The following SNTG1 variants were observed in gnomAD, a reference collection of about 807,000 sequenced individuals.
The protein encoded by SNTG1 is gamma-1-syntrophin.
In SNTG1, 39 loss-of-function variants were observed where a neutral mutation model predicts 74.7. That is an observed-to-expected ratio of 0.52 (90% confidence interval 0.40 to 0.68). The LOEUF (loss-of-function observed/expected upper bound fraction) is 0.68. SNTG1 is among the 30% of genes least tolerant of loss of function. SNTG1 has a pLI of 0.00. For synonymous variants in SNTG1, 254 were observed against 217.1 expected (o/e 1.17, Z -1.49); for missense variants, 685 against 609.5 (o/e 1.12, Z -1.30).
chr8:50,522,664 T>C (rs1004491550), intron 9 of SNTG1, among the ~76,000 whole-genome samples: 33 of 151,530 alleles, frequency 2.2e-4, no homozygotes, highest in African/African-American at 8.0e-4. Context: ...TTGCAGCCTT[T>C]GCCACTGAGG....
chr8:50,603,075 CTAT>C (rs934648761), intron 13 of SNTG1, among the ~76,000 whole-genome samples: 5 of 152,078 alleles, frequency 3.3e-5, no homozygotes, highest in African/African-American at 9.7e-5. Context: ...TGGAAGTTCT[CTAT>C]TATTATTTCT....
rs371615797 is a variant in SNTG1, at chr8:50,534,841, T to A, written c.550-1837T>A. Among the ~76,000 whole-genome samples, 7 of 152,282 alleles carry A rather than the reference T, an allele frequency of 4.6e-5. No homozygotes were observed. The East Asian group carries it at 1.4e-3, about 29-fold the overall frequency. ...TATGAACATAGTAATAGCTTTGTTT[T>A]TCAAAGATGTTGCAAGTGGTGTAAG... is the stretch of plus-strand genomic sequence containing the variant. On this transcript the variant is annotated intron_variant, in intron 10 of 18. Transcript: ENST00000642720.
intron 1 of SNTG1, among the ~76,000 whole-genome samples, chr8:50,132,284 C>T (rs1190323666): frequency 1.3e-5 from 2 of 152,078 alleles, no homozygotes; most frequent in African/African-American, 4.8e-5. Context: ...GTAACCATTG[C>T]AGCATCAACT....
At chr8:50,613,683 G>A (rs972099009) in intron 13 of SNTG1, among the ~76,000 whole-genome samples, 1 of 152,014 alleles carries the variant, frequency 6.6e-6, no homozygotes, top group African/African-American at 2.4e-5. Context: ...CTTTTGGAGG[G>A]TAGTTTTGTG....
At chr8:50,275,693 C>A (rs922699128) in intron 2 of SNTG1, among the ~76,000 whole-genome samples, 3 of 152,140 alleles carry the variant, frequency 2.0e-5, no homozygotes, top group African/African-American at 7.2e-5. Context: ...GCACCTTTAC[C>A]TTCAAGCTTC....
intron 5 of SNTG1, among the ~76,000 whole-genome samples, 170 bp downstream of exon 5, chr8:50,438,769 C>CT (rs2093330734): frequency 6.6e-6 from 1 of 152,152 alleles, no homozygotes; most frequent in African/African-American, 2.4e-5. Flanking sequence ...CCTGCAAACT[C>CT]TTACCATTTG....
intron 18 of SNTG1, among the ~76,000 whole-genome samples, chr8:50,773,592 C>G (rs1450462829): frequency 1.3e-5 from 2 of 151,972 alleles, no homozygotes; most frequent in Non-Finnish European, 2.9e-5. Flanking sequence ...ATCAGTGAAA[C>G]AGATAGGAAA....
At chr8:50,569,593 A>G (rs2094535792) in intron 12 of SNTG1, among the ~76,000 whole-genome samples, 1 of 152,216 alleles carries the variant, frequency 6.6e-6, no homozygotes, top group African/African-American at 2.4e-5. Flanking sequence ...AAAAGGCTCA[A>G]CAAAGCTTGT....
At chr8:50,160,768 T>C in intron 1 of SNTG1, among the ~76,000 whole-genome samples, 1 of 152,206 alleles carries the variant, frequency 6.6e-6, no homozygotes, top group East Asian at 1.9e-4. Flanking sequence ...GCTTATTTGA[T>C]ACTCATAGGG....
At chr8:50,512,176 G>T (rs1362323859) in intron 9 of SNTG1, among the ~76,000 whole-genome samples, 3 of 151,840 alleles carry the variant, frequency 2.0e-5, no homozygotes, top group Non-Finnish European at 4.4e-5. Context: ...CACTTATGAA[G>T]CTTAGTTTGG....
intron 10 of SNTG1, among the ~76,000 whole-genome samples, chr8:50,530,741 A>C (rs1334458483): frequency 6.6e-6 from 1 of 152,220 alleles, no homozygotes; most frequent in Non-Finnish European, 1.5e-5. Context: ...ACGTTTAACT[A>C]TACATGTATT....
chr8:50,055,857 A>T (rs1279825340), intron 1 of SNTG1, among the ~76,000 whole-genome samples: 1 of 152,120 alleles, frequency 6.6e-6, no homozygotes, highest in African/African-American at 2.4e-5. Context: ...TTATAATTTT[A>T]AAAAATTGTT....
At chr8:50,104,250 G>C (rs1487013559) in intron 1 of SNTG1, among the ~76,000 whole-genome samples, 1 of 152,098 alleles carries the variant, frequency 6.6e-6, no homozygotes, top group Admixed American at 6.6e-5. Context: ...CCTGTTATTA[G>C]TCTATTCAGA....
chr8:50,266,554 A>C (rs1385797102), intron 2 of SNTG1, among the ~76,000 whole-genome samples: 1 of 151,608 alleles, frequency 6.6e-6, no homozygotes, highest in Non-Finnish European at 1.5e-5. Flanking sequence ...GAAAACAAAA[A>C]TACATGTGAT....
At position 50,794,292 on chromosome 8, in the gene SNTG1, T is replaced by A. The variant is rs1234166525; in HGVS notation, c.*1463T>A. 1 of 151,882 alleles carries A rather than the reference T, an allele frequency of 6.6e-6. No homozygotes were observed. The highest frequency in any genetic ancestry group is 1.5e-5 in the Non-Finnish European group (1 of 67,882). 9.4% of individuals were successfully genotyped at this position (151,882 alleles called of 1,614,324 possible). On this transcript the variant is annotated 3_prime_UTR_variant, in exon 19 of 19. Coordinates refer to ENST00000642720, the MANE Select transcript of SNTG1 (RefSeq NM_018967.5). ...AAGTGATTTCTATAAAGGACAGATT[T>A]ACTAATTTAAAAAATTAATATCAAG...
intron 1 of SNTG1, chr8:50,011,640 A>C (rs1815809965): frequency 6.6e-6 from 1 of 150,476 alleles, no homozygotes; most frequent in East Asian, 1.9e-4. Flanking sequence ...AAAAAAAAAG[A>C]TCTTTTGAGC....
At chr8:50,191,546 G>A (rs971812993) in intron 2 of SNTG1, among the ~76,000 whole-genome samples, 3 of 152,148 alleles carry the variant, frequency 2.0e-5, no homozygotes, top group Admixed American at 6.6e-5. Flanking sequence ...AGAATTATGA[G>A]GGGAAACTGT....
chr8:50,709,083 C>A, intron 17 of SNTG1, 105 bp downstream of exon 17: 2 of 844,570 alleles, frequency 2.4e-6, no homozygotes, highest in Admixed American at 2.2e-5. Flanking sequence ...GTAATCGTGT[C>A]AAATTTAAGA....
chr8:50,596,656 A>G (rs2094729220), intron 13 of SNTG1, among the ~76,000 whole-genome samples: 1 of 152,048 alleles, frequency 6.6e-6, no homozygotes. Context: ...ATCTCATGAC[A>G]CAAATACAAA....
Sources: allele counts gnomAD v4.1 joint callset (sites outside exome capture counted in the v4.1 genomes callset), GRCh38; gene constraint gnomAD v4.1.1; transcripts MANE v1.5; gene names NCBI Gene and HGNC (gene_info 2026-07-23, HGNC 2026-07-21).